COL21A1: variants seen among roughly 807,000 people sequenced by gnomAD.
COL21A1 encodes collagen type XXI alpha 1 chain.
A neutral mutation model predicts 137.9 loss-of-function variants in COL21A1; 149 were observed. The observed-to-expected ratio is 1.08, with a 90% confidence interval of 0.95 to 1.24. The LOEUF is 1.24. Among genes scored for constraint, COL21A1 ranks in the 50% most tolerant of loss-of-function variants. The pLI, the probability that COL21A1 is intolerant of heterozygous loss-of-function variation, is 0.00. For synonymous variants in COL21A1, 456 were observed against 391.5 expected (o/e 1.16, Z -1.95); for missense variants, 1,167 against 1,158.4 (o/e 1.01, Z -0.11).
At chr6:56,288,978 C>T (rs1170393687) in intron 1 of COL21A1, among the ~76,000 whole-genome samples, 1 of 152,152 alleles carries the variant, frequency 6.6e-6, no homozygotes, top group East Asian at 1.9e-4. Context: ...ATGATACAAA[C>T]TCTGAGTCCT....
chr6:56,154,044 T>C lies in COL21A1; in HGVS notation c.1434+2843A>G, dbSNP rs1032506971. ...ATGCTTGCCCCCTTGAAAATTCACA[T>C]TGAGATTTAATTACTATTGTAACAG... On this transcript the variant is annotated intron_variant, in intron 10 of 29. Coordinates refer to ENST00000244728, the MANE Select transcript of COL21A1 (RefSeq NM_030820.4). Among the ~76,000 whole-genome samples, 31 of 152,122 alleles carry C rather than the reference T, an allele frequency of 2.0e-4. 1 individual carries two copies. The highest frequency in any genetic ancestry group is 6.8e-4 in the African/African-American group (28 of 41,418).
intron 1 of COL21A1, among the ~76,000 whole-genome samples, chr6:56,353,373 C>A (rs1322017034): frequency 6.6e-6 from 1 of 152,128 alleles, no homozygotes; most frequent in African/African-American, 2.4e-5. Flanking sequence ...CAGAGATATG[C>A]CTGAAGAACC....
intron 1 of COL21A1, among the ~76,000 whole-genome samples, chr6:56,364,612 G>T (rs1006572160): frequency 2.6e-5 from 4 of 152,122 alleles, no homozygotes; most frequent in African/African-American, 9.7e-5. Flanking sequence ...AGCCTTGCCT[G>T]GTTCTCAGAC....
At chr6:56,074,155 T>C in intron 20 of COL21A1, 77 bp downstream of exon 20, 2 of 1,000,890 alleles carry the variant, frequency 2.0e-6, no homozygotes, top group Non-Finnish European at 3.0e-6. Flanking sequence ...AAGGTAGTAG[T>C]AAAATTTTCA....
Position 56,275,016 on chromosome 6 carries a change from A to G in COL21A1, c.-38-92360T>C, listed in dbSNP as rs546259222. On this transcript the variant is annotated intron_variant, in intron 1 of 28. Transcript: ENST00000370819. Reference sequence around the variant, plus strand: ...GTATGGTACTGGCACAAAAACAGTCACTTAGACAAATGGAACAGAATAGAG... The same window carrying G: ...GTATGGTACTGGCACAAAAACAGTCGCTTAGACAAATGGAACAGAATAGAG... 2.0e-5 allele frequency among the ~76,000 whole-genome samples: 3 copies of G among 152,302 alleles called. No homozygotes were observed. In the East Asian group the frequency reaches 5.8e-4, roughly 29 times the overall value.
intron 6 of COL21A1, among the ~76,000 whole-genome samples, chr6:56,167,259 C>T (rs1160140952): frequency 6.6e-6 from 1 of 152,130 alleles, no homozygotes; most frequent in African/African-American, 2.4e-5. Context: ...GTATTAAAAG[C>T]TAATCTAAAG....
intron 1 of COL21A1, among the ~76,000 whole-genome samples, chr6:56,198,751 GA>G (rs912515268): frequency 6.6e-6 from 1 of 152,036 alleles, no homozygotes; most frequent in Admixed American, 6.6e-5. Flanking sequence ...TTCTCAGTAA[GA>G]AATTAAATGG....
chr6:56,346,910 C>T (rs1313035246), intron 1 of COL21A1, among the ~76,000 whole-genome samples: 1 of 152,134 alleles, frequency 6.6e-6, no homozygotes, highest in African/African-American at 2.4e-5. Flanking sequence ...TCTTGTCCCT[C>T]CTGGTCTCTT....
chr6:56,317,633 C>T (rs1764767175), intron 1 of COL21A1, among the ~76,000 whole-genome samples: 1 of 152,140 alleles, frequency 6.6e-6, no homozygotes, highest in African/African-American at 2.4e-5. Flanking sequence ...ATACCAATGG[C>T]ATTGGTCACT....
At chr6:56,383,234 G>A (rs904502913) in intron 1 of COL21A1, among the ~76,000 whole-genome samples, 2 of 152,054 alleles carry the variant, frequency 1.3e-5, no homozygotes, top group Admixed American at 6.6e-5. Context: ...GGATCCTCAC[G>A]TGGCAGACAG....
intron 1 of COL21A1, among the ~76,000 whole-genome samples, chr6:56,200,188 A>T (rs867713000): frequency 1.8e-4 from 28 of 152,192 alleles, no homozygotes; most frequent in East Asian, 1.9e-4. Flanking sequence ...ACGAAGAATG[A>T]CAGGGACTAA....
intron 1 of COL21A1, among the ~76,000 whole-genome samples, chr6:56,371,539 G>A (rs2093988669): frequency 6.6e-6 from 1 of 152,088 alleles, no homozygotes; most frequent in Admixed American, 6.5e-5. Flanking sequence ...TTCCTCTTCT[G>A]CCTGTTCACC....
At chr6:56,176,631 G>A (rs1777491326) in intron 3 of COL21A1, among the ~76,000 whole-genome samples, 1 of 149,458 alleles carries the variant, frequency 6.7e-6, no homozygotes, top group Non-Finnish European at 1.5e-5. Flanking sequence ...AAGGAAAAGA[G>A]GGAGGGGGGG....
At chr6:56,234,012 A>T (rs914306921) in intron 1 of COL21A1, among the ~76,000 whole-genome samples, 22 of 151,968 alleles carry the variant, frequency 1.4e-4, no homozygotes, top group African/African-American at 4.8e-4. Flanking sequence ...ACTTCCAGAG[A>T]TGACTGGTAG....
chr6:56,150,070 A>G (rs972855100), intron 10 of COL21A1, among the ~76,000 whole-genome samples: 4 of 152,008 alleles, frequency 2.6e-5, no homozygotes, highest in Admixed American at 2.6e-4. Flanking sequence ...TCCCCCAACC[A>G]GTACTTCATA....
chr6:56,260,199 T>C (rs1374368336), intron 1 of COL21A1, among the ~76,000 whole-genome samples: 1 of 152,184 alleles, frequency 6.6e-6, no homozygotes, highest in Non-Finnish European at 1.5e-5. Context: ...CAACTCTAAA[T>C]GACTCTGTAA....
upstream of COL21A1, among the ~76,000 whole-genome samples, chr6:56,249,067 G>A (rs752056544): frequency 9.2e-5 from 14 of 152,144 alleles, no homozygotes; most frequent in Non-Finnish European, 2.1e-4. Flanking sequence ...AATGCACAAA[G>A]TATTTAGACG....
intron 16 of COL21A1, among the ~76,000 whole-genome samples, chr6:56,122,292 A>C (rs1039443127): frequency 1.3e-5 from 2 of 151,608 alleles, no homozygotes; most frequent in South Asian, 4.2e-4. Context: ...GGGAGAGACC[A>C]CTACATGGGC....
intron 2 of COL21A1, 108 bp from the exon 3 acceptor site, chr6:56,180,237 T>C: frequency 3.5e-6 from 3 of 848,136 alleles, no homozygotes; most frequent in Non-Finnish European, 5.3e-6. Context: ...TTGCTTATTT[T>C]AAATTGTCTG....
Sources: allele counts gnomAD v4.1 joint callset (sites outside exome capture counted in the v4.1 genomes callset), GRCh38; gene constraint gnomAD v4.1.1; transcripts MANE v1.5; gene names NCBI Gene and HGNC (gene_info 2026-07-23, HGNC 2026-07-21).